The following SHBG variants were observed in gnomAD, a reference collection of about 807,000 sequenced individuals.
SHBG encodes sex hormone binding globulin.
A neutral mutation model predicts 41.9 loss-of-function variants in SHBG; 37 were observed. The ratio of observed to expected loss-of-function variants is 0.88; its 90% CI spans 0.68 to 1.16. The LOEUF is 1.16. Ranked by LOEUF, SHBG falls within the 50% of genes most tolerant of loss-of-function variation. The pLI is 0.00. For missense variants in SHBG, 466 were observed against 499.9 expected, an observed-to-expected ratio of 0.93 and a Z score of 0.65; for synonymous variants, 217 against 205.8, an observed-to-expected ratio of 1.05 and a Z score of -0.47.
At position 7,630,346 on chromosome 17, in the gene SHBG, G is replaced by A; in HGVS notation, c.111+63G>A. 6.4e-7 allele frequency: 1 copy of A among 1,567,838 alleles called. No individual in the cohort carries two copies. The highest frequency in any genetic ancestry group is 1.1e-5 in the South Asian group (1 of 90,090). ...TTCCCTTCTCTCCTCTGGCCCTGTA[G>A]CAGGGCCTCTCCCTCTGTCTGTCTC... On this transcript the variant is annotated intron_variant, in intron 1 of 7. Coordinates refer to ENST00000380450, the MANE Select transcript of SHBG (RefSeq NM_001040.5). The surrounding 1 kb of genome is among the most constrained non-coding windows in gnomAD (Gnocchi z 4.6).
At chr17:7,620,173 T>C (rs72829408) in intron 1 of SHBG, among the ~76,000 whole-genome samples, 11,374 of 150,192 alleles carry the variant, frequency 0.076, 628 homozygotes, top group Middle Eastern at 0.27. Context: ...CATCAAGAAG[T>C]GGTAATACTG....
At chr17:7,624,226 C>T (rs2072150053), upstream of SHBG, among the ~76,000 whole-genome samples, 1 of 151,300 alleles carries the variant, frequency 6.6e-6, no homozygotes, top group Non-Finnish European at 1.5e-5. Context: ...TGTTAGGATA[C>T]AGACGTGAGC....
At chr17:7,630,048 C>T (rs978199052), upstream of SHBG, 2 of 809,910 alleles carry the variant, frequency 2.5e-6, no homozygotes, top group Non-Finnish European at 4.3e-6. This position sits in a 1 kb window ranked among gnomAD's most constrained non-coding sequence, Gnocchi z 4.6. Flanking sequence ...GGGTCAGTGC[C>T]CCTGTTTCCT....
chr17:7,628,637 G>T (rs572723870), upstream of SHBG, among the ~76,000 whole-genome samples: 1 of 151,754 alleles, frequency 6.6e-6, no homozygotes, highest in Admixed American at 6.6e-5. Flanking sequence ...GTAGAGACGG[G>T]GTTTCACTAT....
chr17:7,630,571 T>C lies in SHBG; in HGVS notation c.203+64T>C. The C allele has an allele frequency of 6.4e-7, 1 of 1,555,322 alleles. No individual in the cohort carries two copies. The highest frequency in any genetic ancestry group is 8.9e-7 in the Non-Finnish European group (1 of 1,127,080). On this transcript the variant is annotated intron_variant, in intron 2 of 7. Transcript: ENST00000380450. The surrounding 1 kb of genome is among the most constrained non-coding windows in gnomAD (Gnocchi z 4.6). ...TCTGCCCTCTCTCCATCAGCTCTTC[T>C]CTTTTCCCTGTCTTCCTTTCCTTAT...
chr17:7,631,290 A>C lies in SHBG; in HGVS notation c.484A>C (p.Ser162Arg), dbSNP rs754963815. ...RLRQVSGPLT[S>R]KRHPIMRIAL... ...GAGACAGGTCTCTGGGCCCCTGACC[A>C]GCAAACGCCATCCCATCATGAGGAT... is the stretch of plus-strand genomic sequence containing the variant. The change falls in exon 4 of 8, where the codon AGC becomes CGC. Residue 162 changes from serine (S) to arginine (R), a missense_variant. Transcript: ENST00000380450. 5.0e-6 allele frequency: 8 copies of C among 1,613,738 alleles called. No homozygotes were observed. Among genetic ancestry groups the C allele is most frequent in the African/African-American group, 1.3e-5 (1 of 74,914 alleles).
At chr17:7,624,952 T>TC (rs2150960361), upstream of SHBG, among the ~76,000 whole-genome samples, 1 of 145,274 alleles carries the variant, frequency 6.9e-6, no homozygotes. Context: ...GCTTTTTTTT[T>TC]TTTTTTTTTT....
At chr17:7,615,424 A>G (rs1216974985) in intron 1 of SHBG, among the ~76,000 whole-genome samples, 1 of 152,196 alleles carries the variant, frequency 6.6e-6, no homozygotes, top group Non-Finnish European at 1.5e-5. Context: ...TCGCGTATGC[A>G]TCGCCGATAT....
intron 6 of SHBG, among the ~76,000 whole-genome samples, chr17:7,632,295 T>A (rs2072444349): frequency 1.3e-5 from 2 of 150,410 alleles, no homozygotes; most frequent in South Asian, 2.1e-4. Flanking sequence ...AAAAAAAAAA[T>A]TAGCCAGGCA....
chr17:7,631,723 G>T lies in SHBG; in HGVS notation c.690G>T (p.Gly230=). 6.2e-7 allele frequency: 1 copy of T among 1,614,058 alleles called. No individual in the cohort carries two copies. Among genetic ancestry groups the T allele is most frequent in the South Asian group, 1.1e-5 (1 of 91,084 alleles). The change falls in exon 5 of 8, where the codon GGG becomes GGT. Residue 230 remains glycine (G), a synonymous_variant. Transcript: ENST00000380450. ...ATCCCGGGATATTTCTCCCTCCAGG[G>T]ACTCAGGCAGAATTCAATCTCCGAG... ...ESNPGIFLPP[G]TQAEFNLRDI... is the part of the protein sequence containing the mutation.
chr17:7,622,026 G>A (rs1393874812), intron 1 of SHBG, among the ~76,000 whole-genome samples: 4 of 147,416 alleles, frequency 2.7e-5, no homozygotes, highest in Non-Finnish European at 4.5e-5. Flanking sequence ...TTTGTATTTA[G>A]TAGAGACAGG....
chr17:7,629,489 G>C (rs1042534265), upstream of SHBG, among the ~76,000 whole-genome samples: 5 of 150,838 alleles, frequency 3.3e-5, no homozygotes, highest in African/African-American at 4.8e-5. Flanking sequence ...GAAGATAACT[G>C]AGAGGCGGGG....
At chr17:7,620,439 C>A (rs1040186773) in intron 1 of SHBG, among the ~76,000 whole-genome samples, 3 of 152,166 alleles carry the variant, frequency 2.0e-5, no homozygotes, top group Non-Finnish European at 4.4e-5. Flanking sequence ...GCCTGAGCCT[C>A]CCAAGTAGCT....
intron 1 of SHBG, among the ~76,000 whole-genome samples, chr17:7,618,005 G>A (rs573942147): frequency 6.6e-6 from 1 of 152,108 alleles, no homozygotes; most frequent in Admixed American, 6.6e-5. Context: ...GATCATCTGA[G>A]GTCAGGAGTT....
upstream of SHBG, chr17:7,627,580 C>T: frequency 3.1e-6 from 5 of 1,611,192 alleles, no homozygotes; most frequent in Non-Finnish European, 4.2e-6. The surrounding 1 kb of genome is among the most constrained non-coding windows in gnomAD (Gnocchi z 4.8). Context: ...CCGAATCAGC[C>T]TCAGGATATC....
At chr17:7,624,615 C>T (rs2072158977), upstream of SHBG, among the ~76,000 whole-genome samples, 1 of 151,988 alleles carries the variant, frequency 6.6e-6, no homozygotes, top group South Asian at 2.1e-4. Flanking sequence ...GATCCTCCAC[C>T]CTCAACCTCT....
At chr17:7,626,689 G>C, upstream of SHBG, 1 of 1,612,428 alleles carries the variant, frequency 6.2e-7, no homozygotes, top group Non-Finnish European at 8.5e-7. Flanking sequence ...TTTCAACCCG[G>C]GTCCCCCCTC....
In SHBG at chr17:7,631,015, C is replaced by T. The variant is rs2072391237; in HGVS notation, c.393+146C>T. ...ACAAAGTAGCTATTCTTGGCCCCAT[C>T]TTTTCTGATGGGAATTCTAAGGCTC... On this transcript the variant is annotated intron_variant, in intron 3 of 7. Transcript: ENST00000380450. The T allele has an allele frequency of 4.7e-5, 46 of 987,516 alleles. No homozygotes were observed. In the South Asian group the frequency reaches 6.7e-4, roughly 14 times the overall value. 61.2% of individuals were successfully genotyped at this position (987,516 alleles called of 1,614,324 possible).
At chr17:7,615,410 C>G (rs1181487382) in intron 1 of SHBG, among the ~76,000 whole-genome samples, 1 of 152,250 alleles carries the variant, frequency 6.6e-6, no homozygotes, top group Admixed American at 6.5e-5. Flanking sequence ...GAGCTTTACC[C>G]TCTTCGCGTA....
Sources: gnomAD v4.1 joint callset for allele counts (sites outside exome capture counted in the v4.1 genomes callset) on GRCh38, gnomAD v4.1.1 for gene constraint, Gnocchi (gnomAD v3.1) non-coding constraint, MANE v1.5 for transcripts, NCBI Gene and HGNC (gene_info 2026-07-23, HGNC 2026-07-21) for gene names.